The following CLYBL variants were observed in gnomAD, a reference collection of about 807,000 sequenced individuals.
CLYBL encodes the protein citramalyl-CoA lyase, mitochondrial.
In CLYBL, 31 loss-of-function variants were observed where a neutral mutation model predicts 38.9. The observed-to-expected ratio is 0.80, with a 90% CI of 0.60 to 1.08. CLYBL has a LOEUF of 1.08. CLYBL is among the 50% of genes least tolerant of loss of function. The pLI, the probability that CLYBL is intolerant of heterozygous loss-of-function variation, is 0.00. For synonymous variants in CLYBL, 171 were observed against 158.6 expected, an observed-to-expected ratio of 1.08 and a Z score of -0.59; for missense variants, 434 against 411.6, an observed-to-expected ratio of 1.05 and a Z score of -0.47.
chr13:99,667,243 C>T (rs948097675), intron 1 of CLYBL, among the ~76,000 whole-genome samples: 2 of 152,046 alleles, frequency 1.3e-5, no homozygotes, highest in Non-Finnish European at 2.9e-5. Context: ...AAATGCCACA[C>T]GTAACCATCC....
At chr13:99,780,941 T>A (rs2049634368) in intron 2 of CLYBL, among the ~76,000 whole-genome samples, 1 of 146,562 alleles carries the variant, frequency 6.8e-6, no homozygotes. Context: ...CTCGAACTCC[T>A]GACCTCAGGC....
At chr13:99,683,405 T>C (rs759829665) in intron 1 of CLYBL, among the ~76,000 whole-genome samples, 2 of 152,212 alleles carry the variant, frequency 1.3e-5, no homozygotes, top group Non-Finnish European at 2.9e-5. Flanking sequence ...TATTTTTAAC[T>C]TTATGACTCT....
At chr13:99,846,818 G>GT in intron 2 of CLYBL, among the ~76,000 whole-genome samples, 1 of 152,340 alleles carries the variant, frequency 6.6e-6, no homozygotes, top group Middle Eastern at 3.4e-3. Flanking sequence ...TGTAGAAGCA[G>GT]TTGGCATGCA....
rs115902988 is a variant in CLYBL, at chr13:99,872,355, T to C, written c.927+1293T>C. Among the ~76,000 whole-genome samples, 322 of 152,328 alleles carry C rather than the reference T, an allele frequency of 2.1e-3. 2 individuals are homozygous for C. The highest frequency in any genetic ancestry group is 7.4e-3 in the African/African-American group (309 of 41,580). ...GCCATCAGAAAAGTAATGCATTTCA[T>C]AGAAACAATATTTTAAGTTGACCTT... On this transcript the variant is annotated intron_variant, in intron 7 of 8. Coordinates refer to ENST00000339105, the MANE Select transcript of CLYBL (RefSeq NM_206808.5).
At chr13:99,612,431 A>G (rs1241042866) in intron 1 of CLYBL, among the ~76,000 whole-genome samples, 1 of 130,776 alleles carries the variant, frequency 7.6e-6, no homozygotes, top group Non-Finnish European at 1.5e-5. Flanking sequence ...TCTGTCACCC[A>G]GGCTGGAGTG....
At chr13:99,647,281 T>C (rs2139290109) in intron 1 of CLYBL, among the ~76,000 whole-genome samples, 1 of 152,320 alleles carries the variant, frequency 6.6e-6, no homozygotes, top group South Asian at 2.1e-4. Context: ...AGCTTGTTCA[T>C]AGGCAGCAGA....
chr13:99,629,443 C>G (rs2046913219), intron 1 of CLYBL, among the ~76,000 whole-genome samples: 1 of 152,156 alleles, frequency 6.6e-6, no homozygotes, highest in Non-Finnish European at 1.5e-5. Flanking sequence ...CCTGGTTGGC[C>G]CTCATCCCCT....
chr13:99,756,248 A>C (rs2049061012), intron 1 of CLYBL, among the ~76,000 whole-genome samples: 1 of 152,220 alleles, frequency 6.6e-6, no homozygotes, highest in Non-Finnish European at 1.5e-5. Flanking sequence ...TGTGTAATTG[A>C]TACCTATCTC....
intron 1 of CLYBL, among the ~76,000 whole-genome samples, chr13:99,621,857 A>G (rs2046802788): frequency 6.6e-6 from 1 of 152,270 alleles, no homozygotes; most frequent in South Asian, 2.1e-4. Context: ...AGCCAAAAAA[A>G]CTGGACACCC....
At position 99,870,929 on chromosome 13, in the gene CLYBL, T is replaced by G. The variant is rs769079615; in HGVS notation, c.803-9T>G. ...TTTCGTGGTTCCGATGTTATTAATATTCTTGTAGGTAAGCAGGTGATTCAC... is the reference window on the plus strand; with the variant it reads ...TTTCGTGGTTCCGATGTTATTAATAGTCTTGTAGGTAAGCAGGTGATTCAC... On this transcript the variant is annotated splice_polypyrimidine_tract_variant and intron_variant, in intron 6 of 8. Coordinates refer to ENST00000339105, the MANE Select transcript of CLYBL (RefSeq NM_206808.5). 1.1e-5 allele frequency: 17 copies of G among 1,590,598 alleles called. No homozygotes were observed. Among genetic ancestry groups the G allele is most frequent in the Middle Eastern group, 1.7e-4 (1 of 5,944 alleles).
chr13:99,621,768 T>C (rs374207623), intron 1 of CLYBL, among the ~76,000 whole-genome samples: 2 of 128,234 alleles, frequency 1.6e-5, no homozygotes, highest in South Asian at 2.6e-4. Flanking sequence ...TTTTTTTTTT[T>C]CCCTTTAGCT....
At chr13:99,734,018 A>ATCTTT (rs1280999617) in intron 1 of CLYBL, among the ~76,000 whole-genome samples, 1 of 152,226 alleles carries the variant, frequency 6.6e-6, no homozygotes, top group African/African-American at 2.4e-5. Flanking sequence ...AGAGGTTAAA[A>ATCTTT]TCTTTTCTTG....
chr13:99,639,529 G>A (rs1163394568), intron 1 of CLYBL, among the ~76,000 whole-genome samples: 1 of 152,124 alleles, frequency 6.6e-6, no homozygotes, highest in African/African-American at 2.4e-5. Context: ...TGTAACAGAA[G>A]ACAAAAACAA....
intron 1 of CLYBL, among the ~76,000 whole-genome samples, chr13:99,750,468 G>A (rs2048934164): frequency 1.3e-5 from 2 of 152,052 alleles, no homozygotes; most frequent in Admixed American, 6.6e-5. Context: ...AAGGTCAGGG[G>A]TTCGAGACCA....
At chr13:99,715,153 G>A (rs1047227630) in intron 1 of CLYBL, among the ~76,000 whole-genome samples, 1 of 152,018 alleles carries the variant, frequency 6.6e-6, no homozygotes, top group East Asian at 1.9e-4. Context: ...CTCCAGCTTC[G>A]GGGGATTAGA....
intron 2 of CLYBL, among the ~76,000 whole-genome samples, chr13:99,831,999 A>G (rs1022047455): frequency 1.3e-5 from 2 of 152,200 alleles, no homozygotes; most frequent in African/African-American, 4.8e-5. Context: ...AGATCTTTTG[A>G]TAACTGTTTT....
At chr13:99,774,550 C>T (rs1261227573) in intron 2 of CLYBL, among the ~76,000 whole-genome samples, 2 of 152,120 alleles carry the variant, frequency 1.3e-5, no homozygotes, top group Non-Finnish European at 2.9e-5. Context: ...TGGATTTATG[C>T]CTACTTGAAA....
At chr13:99,764,629 T>G (rs1265688524) in intron 1 of CLYBL, among the ~76,000 whole-genome samples, 2 of 152,160 alleles carry the variant, frequency 1.3e-5, no homozygotes, top group Non-Finnish European at 2.9e-5. Context: ...GTCTTCCCTC[T>G]TTTTCTTTTT....
At chr13:99,609,056 G>A (rs975955425) in intron 1 of CLYBL, among the ~76,000 whole-genome samples, 7 of 150,642 alleles carry the variant, frequency 4.6e-5, no homozygotes, top group East Asian at 3.9e-4. Flanking sequence ...CTTCTCTTTC[G>A]GAGGCTCCCA....
Sources: allele counts gnomAD v4.1 joint callset (sites outside exome capture counted in the v4.1 genomes callset), GRCh38; gene constraint gnomAD v4.1.1; transcripts MANE v1.5; gene names NCBI Gene and HGNC (gene_info 2026-07-23, HGNC 2026-07-21).